The following PANK3 variants were observed in gnomAD, a reference collection of about 807,000 sequenced individuals.
The protein encoded by PANK3 is pantothenate kinase 3.
In PANK3, 20 loss-of-function variants were observed where a neutral mutation model predicts 39.4. The ratio of observed to expected loss-of-function variants is 0.51; its 90% CI spans 0.36 to 0.74. PANK3 has a LOEUF of 0.74. PANK3 is among the 30% of genes least tolerant of loss of function. The pLI, the probability that PANK3 is intolerant of heterozygous loss-of-function variation, is 0.00. For missense variants in PANK3, 265 were observed against 437.0 expected, an observed-to-expected ratio of 0.61 and a Z score of 3.51; for synonymous variants, 140 against 157.3, an observed-to-expected ratio of 0.89 and a Z score of 0.82.
At chr5:168,570,299 G>A (rs201105113) in intron 1 of PANK3, among the ~76,000 whole-genome samples, 2 of 151,624 alleles carry the variant, frequency 1.3e-5, no homozygotes, top group East Asian at 3.9e-4. Flanking sequence ...GCAGGAGAAT[G>A]GCGTGAACCC....
chr5:168,549,150 C>A lies in PANK3; in HGVS notation c.*8421G>T, dbSNP rs946266471. 6.6e-6 allele frequency: 1 copy of A among 152,108 alleles called. No homozygotes were observed. Among genetic ancestry groups the A allele is most frequent in the African/African-American group, 2.4e-5 (1 of 41,430 alleles). The allele number at this position is 152,108 out of a possible 1,614,324, so 9.4% of individuals were successfully genotyped here. A position where few individuals can be genotyped will look rare whatever the true frequency, so the allele number is the denominator to read the frequency against. ...CACAGTGTATAAAAAATAATAAAAA[C>A]CATCTTAATATTGCTTACATCCTAA... On this transcript the variant is annotated 3_prime_UTR_variant, in exon 7 of 7. Transcript: ENST00000239231.
rs1363707703 is a variant in PANK3 at position 168,552,943 on chromosome 5, G to C, written c.*4628C>G. On this transcript the variant is annotated 3_prime_UTR_variant, in exon 7 of 7. Transcript: ENST00000239231. ...AATGACAGTGGGTTGTTGGTAGCTG[G>C]GTACTCTAAAGAGCGCCAGTGTAGT... 4.8e-6 allele frequency: 1 copy of C among 208,848 alleles called. No homozygotes were observed. Among genetic ancestry groups the C allele is most frequent in the Non-Finnish European group, 1.0e-5 (1 of 100,176 alleles). 12.9% of individuals were successfully genotyped at this position (208,848 alleles called of 1,614,324 possible).
chr5:168,563,196 A>G (rs1052198379), intron 4 of PANK3, among the ~76,000 whole-genome samples: 4 of 152,316 alleles, frequency 2.6e-5, no homozygotes, highest in African/African-American at 9.6e-5. Flanking sequence ...CTATGAATCA[A>G]TATCCAGAAG....
In PANK3 at chr5:168,553,058, AT is replaced by A. The variant is rs1759296631; in HGVS notation, c.*4512del. 2.5e-6 allele frequency: 1 copy of A among 393,258 alleles called. No individual in the cohort carries two copies. The highest frequency in any genetic ancestry group is 5.0e-6 in the Non-Finnish European group (1 of 199,790). 24.4% of individuals were successfully genotyped at this position (393,258 alleles called of 1,614,324 possible). ...TCCCCTACAATTGCTGAAGGATCTCATTAGTACTCTTCCTTTCTGTTAATGA... is the reference window on the plus strand; with the variant it reads ...TCCCCTACAATTGCTGAAGGATCTCATAGTACTCTTCCTTTCTGTTAATGA... On this transcript the variant is annotated 3_prime_UTR_variant, in exon 7 of 7. Coordinates refer to ENST00000239231, the MANE Select transcript of PANK3 (RefSeq NM_024594.4).
rs1759356052 is a variant in PANK3, at chr5:168,556,815, T to C, written c.*756A>G. On this transcript the variant is annotated 3_prime_UTR_variant, in exon 7 of 7. Coordinates refer to ENST00000239231, the MANE Select transcript of PANK3 (RefSeq NM_024594.4). ...GAACTCAAATCATATTCCATTACAA[T>C]AGTCCCAGGACTTCATTAGACAGAC... The C allele has an allele frequency of 6.6e-6, 1 of 152,616 alleles. No homozygotes were observed. Among genetic ancestry groups the C allele is most frequent in the African/African-American group, 2.4e-5 (1 of 41,446 alleles). 9.5% of individuals were successfully genotyped at this position (152,616 alleles called of 1,614,324 possible). A position where few individuals can be genotyped will look rare whatever the true frequency, so the allele number is the denominator to read the frequency against.
intron 1 of PANK3, among the ~76,000 whole-genome samples, chr5:168,575,974 TA>T (rs1282665704): frequency 1.3e-5 from 2 of 152,208 alleles, no homozygotes; most frequent in African/African-American, 4.8e-5. Flanking sequence ...ACTTCCTGGA[TA>T]AGACATTTCA....
In PANK3 at chr5:168,568,690, C is replaced by G. The variant is rs781333716; in HGVS notation, c.337G>C (p.Ala113Pro). Residue 113 changes from alanine (A) to proline (P), a missense_variant, in exon 2 of 7, where the codon GCT (alanine) becomes CCT (proline). Physicochemically the swap from Ala to Pro is conservative, Grantham distance 27. Around this residue, in one of 3 missense-constraint regions of PANK3, gnomAD observed 154 missense variants for 256.8 expected, o/e 0.60. Coordinates refer to ENST00000239231, the MANE Select transcript of PANK3 (RefSeq NM_024594.4). The stretch of plus-strand genomic sequence containing the variant: ...AACTTGTAAGCACCACCTCCTGTAG[C>G]ACATAGCACCGTCTGCAATGTTGAG... The part of the protein sequence containing the change: ...NFSTLQTVLC[A>P]TGGGAYKFEK... 4 of 1,613,874 alleles carry G rather than the reference C, an allele frequency of 2.5e-6. No homozygotes were observed. In the Admixed American group the frequency reaches 6.7e-5, roughly 27 times the overall value.
At position 168,573,714 on chromosome 5, in the gene PANK3, G is replaced by A. The variant is rs377057300; in HGVS notation, c.29-4716C>T. Among the ~76,000 whole-genome samples the A allele has an allele frequency of 2.6e-4, 32 of 122,316 alleles. No homozygotes were observed. The East Asian group carries it at 5.8e-3, about 22-fold the overall frequency. The allele number at this position is 122,316 out of a possible 152,430, so 80.2% of individuals were successfully genotyped here. On this transcript the variant is annotated intron_variant, in intron 1 of 6. Coordinates refer to ENST00000239231, the MANE Select transcript of PANK3 (RefSeq NM_024594.4). Reference sequence around the variant, plus strand: ...CCCAGAGTGTGATGTTCCCCTTCCTGTGTCCATGTGTTCTCATTGTTCAAT... The same window carrying A: ...CCCAGAGTGTGATGTTCCCCTTCCTATGTCCATGTGTTCTCATTGTTCAAT...
intron 6 of PANK3, 54 bp from the exon 7 acceptor site, chr5:168,557,675 A>G: frequency 7.1e-7 from 1 of 1,398,712 alleles, no homozygotes; most frequent in Non-Finnish European, 1.0e-6. Context: ...TTAGCATATA[A>G]TATTAACCAC....
intron 1 of PANK3, among the ~76,000 whole-genome samples, chr5:168,574,983 C>G (rs757598767): frequency 6.6e-6 from 1 of 152,052 alleles, no homozygotes; most frequent in Non-Finnish European, 1.5e-5. Context: ...AAGCAGCCTA[C>G]TTACGGCATA....
In PANK3 at chr5:168,569,008, GAAAAA is replaced by G. The variant is rs368234880; in HGVS notation, c.29-15_29-11del. ...CCAAACCATGGGAAAGCTATGGGAG[GAAAAA>G]AAAAAAAAAAAAAAAAAATATATAT... On this transcript the variant is annotated splice_polypyrimidine_tract_variant and intron_variant, in intron 1 of 6. Coordinates refer to ENST00000239231, the MANE Select transcript of PANK3 (RefSeq NM_024594.4). 2.3e-3 allele frequency: 206 copies of G among 91,144 alleles called. 5 individuals carry two copies. The highest frequency in any genetic ancestry group is 6.1e-3 in the South Asian group (11 of 1,814). 5.6% of individuals were successfully genotyped at this position (91,144 alleles called of 1,614,324 possible).
chr5:168,566,007 C>A lies in PANK3; in HGVS notation c.635+6G>T. 6.2e-7 allele frequency: 1 copy of A among 1,603,330 alleles called. No homozygotes were observed. Among genetic ancestry groups the A allele is most frequent in the Non-Finnish European group, 8.5e-7 (1 of 1,171,726 alleles). ...AATGCAGCAATACAACCAAAAAGGTCACTACCTTGTCCCAGTCACTCGTTT... is the reference window on the plus strand; with the variant it reads ...AATGCAGCAATACAACCAAAAAGGTAACTACCTTGTCCCAGTCACTCGTTT... On this transcript the variant is annotated splice_donor_region_variant and intron_variant, in intron 3 of 6. Transcript: ENST00000239231.
chr5:168,562,577 G>T (rs1233873037), intron 4 of PANK3, among the ~76,000 whole-genome samples: 2 of 152,078 alleles, frequency 1.3e-5, no homozygotes, highest in African/African-American at 4.8e-5. Flanking sequence ...AAGCATAATG[G>T]GAGACAAGAC....
chr5:168,573,884 G>A (rs1403032491), intron 1 of PANK3, among the ~76,000 whole-genome samples: 1 of 152,046 alleles, frequency 6.6e-6, no homozygotes, highest in East Asian at 1.9e-4. Context: ...TCCATGGTGT[G>A]TATGTGCTAC....
At chr5:168,565,582 C>T (rs1293789008) in intron 3 of PANK3, among the ~76,000 whole-genome samples, 1 of 151,764 alleles carries the variant, frequency 6.6e-6, no homozygotes, top group South Asian at 2.1e-4. Flanking sequence ...AGTAAATGCT[C>T]CAGTTAAATT....
In PANK3 at chr5:168,566,166, T is replaced by A. The variant is rs766659565; in HGVS notation, c.482A>T (p.Tyr161Phe). ...AGGTTCTGAGGCATTAGCAAAATAATAGCACTCGGCTTGTCCATTGAAACT... is the reference window on the plus strand; with the variant it reads ...AGGTTCTGAGGCATTAGCAAAATAAAAGCACTCGGCTTGTCCATTGAAACT... Reference protein sequence around the residue: ...SVSFNGQAECYYFANASEPER... With the variant: ...SVSFNGQAECFYFANASEPER... Residue 161 changes from tyrosine to phenylalanine, a missense_variant, in exon 3 of 7, where the codon TAT becomes TTT. By Grantham distance (22) the Tyr-to-Phe change is conservative. This residue lies in a region of PANK3 where 154 missense variants were observed against 256.8 expected (regional missense o/e 0.60). Transcript: ENST00000239231. 1 of 1,613,884 alleles carries A rather than the reference T, an allele frequency of 6.2e-7. No individual in the cohort carries two copies. Among genetic ancestry groups the A allele is most frequent in the Non-Finnish European group, 8.5e-7 (1 of 1,180,020 alleles).
At position 168,549,032 on chromosome 5, in the gene PANK3, A is replaced by G. The variant is rs570514253; in HGVS notation, c.*8539T>C. The stretch of plus-strand genomic sequence containing the variant: ...GGACATAATAACATCTTCTGAGTAC[A>G]CTTTGGTCAATAACTGGTCATTAAG... On this transcript the variant is annotated 3_prime_UTR_variant, in exon 7 of 7. Transcript: ENST00000239231. The G allele has an allele frequency of 6.6e-6, 1 of 152,298 alleles. No individual in the cohort carries two copies. The highest frequency in any genetic ancestry group is 2.4e-5 in the African/African-American group (1 of 41,574). The allele number at this position is 152,298 out of a possible 1,614,324, so 9.4% of individuals were successfully genotyped here.
intron 4 of PANK3, 112 bp from the exon 5 acceptor site, chr5:168,561,628 G>C (rs982223416): frequency 2.3e-6 from 2 of 871,534 alleles, no homozygotes; most frequent in Non-Finnish European, 3.2e-6. Context: ...CCAAAAAGTA[G>C]AAACACATAG....
At chr5:168,569,032 T>C (rs200180494) in intron 1 of PANK3, 34 bp from the exon 2 acceptor site, 1 of 112,502 alleles carries the variant, frequency 8.9e-6, no homozygotes, top group Non-Finnish European at 1.6e-5. Flanking sequence ...AAAAAAAAAA[T>C]ATATATATAT....
Sources: gnomAD v4.1 joint callset for allele counts (sites outside exome capture counted in the v4.1 genomes callset) on GRCh38, gnomAD v4.1.1 for gene constraint, gnomAD v4.1.1 regional missense constraint, MANE v1.5 for transcripts, NCBI Gene and HGNC (gene_info 2026-07-23, HGNC 2026-07-21) for gene names.